Variants in LYST observed in about 807,000 individuals in gnomAD.
LYST encodes lysosomal-trafficking regulator.
A neutral mutation model predicts 413.6 loss-of-function variants in LYST; 192 were observed. That is an observed-to-expected ratio of 0.46 (90% CI 0.41 to 0.52). The LOEUF is 0.52. Ranked by LOEUF, LYST falls within the 20% of genes least tolerant of loss-of-function variation. LYST has a pLI of 0.00. For synonymous variants in LYST, 1,525 were observed against 1,567.3 expected, an observed-to-expected ratio of 0.97 and a Z score of 0.64; for missense variants, 3,815 against 4,499.9, an observed-to-expected ratio of 0.85 and a Z score of 4.35.
rs143697353 is a variant in LYST at position 235,773,255 on chromosome 1, T to C, written c.5784+587A>G. On this transcript the variant is annotated intron_variant, in intron 19 of 52. Transcript: ENST00000389793. Reference sequence around the variant, plus strand: ...TATCATCTGAGCCTGGGGGTGGAGGTTGCAGTGAGCCAAGATCACGCCACT... The same window carrying C: ...TATCATCTGAGCCTGGGGGTGGAGGCTGCAGTGAGCCAAGATCACGCCACT... 2.3e-3 allele frequency among the ~76,000 whole-genome samples: 356 copies of C among 151,710 alleles called. 1 individual carries two copies. The highest frequency in any genetic ancestry group is 7.9e-3 in the African/African-American group (328 of 41,376).
At chr1:235,831,800 C>T (rs74148837) in intron 2 of LYST, among the ~76,000 whole-genome samples, 9,434 of 152,110 alleles carry the variant, frequency 0.062, 974 homozygotes, top group African/African-American at 0.22. Context: ...TCTTTATATG[C>T]TTTCAGAAAG....
At position 235,777,085 on chromosome 1, in the gene LYST, A is replaced by G; in HGVS notation, c.5438T>C (p.Ile1813Thr). The change falls in exon 17 of 53, where the codon ATA becomes ACA. Residue 1813 changes from isoleucine to threonine, a missense_variant. This residue lies in a region of LYST where 530 missense variants were observed against 696.5 expected (regional missense o/e 0.76). Coordinates refer to ENST00000389793, the MANE Select transcript of LYST (RefSeq NM_000081.4). Reference protein sequence around the residue: ...GILHEIGGTGIFVFLFARVVE... With the variant: ...GILHEIGGTGTFVFLFARVVE... ...TACCCTGGCAAAGAGAAAAACAAAT[A>G]TGCCAGTTCCACCAATTTCGTGCAG... 6.2e-7 allele frequency: 1 copy of G among 1,613,446 alleles called. No individual in the cohort carries two copies. The highest frequency in any genetic ancestry group is 8.5e-7 in the Non-Finnish European group (1 of 1,179,538).
intron 20 of LYST, among the ~76,000 whole-genome samples, chr1:235,767,628 T>A (rs1303757625): frequency 1.3e-5 from 2 of 151,446 alleles, no homozygotes; most frequent in African/African-American, 4.9e-5. Context: ...GTCACTGGTA[T>A]TCTATTTTAT....
Position 235,781,944 on chromosome 1 carries a change from T to C in LYST, c.5006A>G (p.Asn1669Ser), listed in dbSNP as rs373521868. Residue 1669 changes from asparagine to serine, a missense_variant, in exon 15 of 53, where the codon AAT becomes AGT. Around this residue, in one of 4 missense-constraint regions of LYST, gnomAD observed 530 missense variants for 696.5 expected, o/e 0.76. Transcript: ENST00000389793. ...LQLAGKWDLG[N>S]LLLFNGAKVG... Reference sequence around the variant, plus strand: ...TCACTCACCGTTGAAGAGAAGCAAATTTCCCAGGTCCCATTTTCCAGCCAA... The same window carrying C: ...TCACTCACCGTTGAAGAGAAGCAAACTTCCCAGGTCCCATTTTCCAGCCAA... 2.5e-6 allele frequency: 4 copies of C among 1,612,770 alleles called. No homozygotes were observed. Among genetic ancestry groups the C allele is most frequent in the Non-Finnish European group, 3.4e-6 (4 of 1,178,998 alleles).
At chr1:235,860,470 C>G (rs1679737274) in intron 1 of LYST, among the ~76,000 whole-genome samples, 1 of 152,188 alleles carries the variant, frequency 6.6e-6, no homozygotes. Context: ...AATAGTTTCA[C>G]CGCCCTAAAA....
intron 48 of LYST, among the ~76,000 whole-genome samples, chr1:235,679,202 T>C (rs1045009731): frequency 5.3e-5 from 8 of 152,176 alleles, no homozygotes; most frequent in Non-Finnish European, 1.2e-4. Context: ...GCAAGAGTAG[T>C]AAGCCTGGAT....
intron 48 of LYST, among the ~76,000 whole-genome samples, chr1:235,679,982 A>T (rs1659681322): frequency 6.7e-6 from 1 of 149,412 alleles, no homozygotes; most frequent in African/African-American, 2.4e-5. Flanking sequence ...AATGCTTTTA[A>T]GGCTCTCTCT....
chr1:235,686,950 G>A lies in LYST; in HGVS notation c.10799C>T (p.Thr3600Met), dbSNP rs368562685. The A allele has an allele frequency of 8.5e-5, 137 of 1,613,086 alleles. No individual in the cohort carries two copies. Among genetic ancestry groups the A allele is most frequent in the Middle Eastern group, 1.6e-4 (1 of 6,080 alleles). The change falls in exon 48 of 53, where the codon ACG becomes ATG. Residue 3600 changes from threonine to methionine, a missense_variant and splice_region_variant. Physicochemically the swap from Thr to Met is moderately conservative, Grantham distance 81. This residue lies in a region of LYST where 866 missense variants were observed against 1,156.0 expected (regional missense o/e 0.75). Coordinates refer to ENST00000389793, the MANE Select transcript of LYST (RefSeq NM_000081.4). This position sits in a 1 kb window ranked among gnomAD's most constrained non-coding sequence, Gnocchi z 4.0. ...TAYTNRFTSS[T>M]PSEIEMETQI... The stretch of plus-strand genomic sequence containing the variant: ...CCCACACAGAAGCCCAGAACCTACC[G>A]TGCTGCTTGTAAATCTGTTTGTGTA...
chr1:235,685,157 A>G (rs1571991399), intron 48 of LYST, among the ~76,000 whole-genome samples: 1 of 152,024 alleles, frequency 6.6e-6, no homozygotes, highest in East Asian at 1.9e-4. Context: ...CAGTAGATTG[A>G]TCCCTTAGGA....
At chr1:235,707,726 A>T (rs1370964637) in intron 44 of LYST, among the ~76,000 whole-genome samples, 1 of 152,240 alleles carries the variant, frequency 6.6e-6, no homozygotes, top group Non-Finnish European at 1.5e-5. Flanking sequence ...AGAAATATTA[A>T]TTTTAATAGC....
rs1456870030 is a variant in LYST at position 235,850,257 on chromosome 1, CA to C, written c.-98+16585del. ...GCCAACTGATCTTTGACAAAGCAAA[CA>C]AAAACATAAAGTGGGGAAAGGACAT... On this transcript the variant is annotated intron_variant, in intron 1 of 52. Transcript: ENST00000389793. Among the ~76,000 whole-genome samples, 3 of 152,028 alleles carry C rather than the reference CA, an allele frequency of 2.0e-5. No homozygotes were observed. The East Asian group carries it at 5.8e-4, about 29-fold the overall frequency.
intron 12 of LYST, among the ~76,000 whole-genome samples, chr1:235,789,916 A>G (rs1670818688): frequency 6.6e-6 from 1 of 152,184 alleles, no homozygotes; most frequent in Admixed American, 6.5e-5. Context: ...ACCATCTTAT[A>G]AGGTAAATAT....
chr1:235,712,694 C>CG (rs984827254), intron 42 of LYST: 339 of 984,058 alleles, frequency 3.4e-4, no homozygotes, highest in Middle Eastern at 1.6e-3. Flanking sequence ...TCTTTTTTTT[C>CG]GGGGGGGTGC....
chr1:235,676,964 A>C, intron 50 of LYST, 127 bp downstream of exon 50: 1 of 742,904 alleles, frequency 1.3e-6, no homozygotes, highest in Non-Finnish European at 2.5e-6. Flanking sequence ...ATACACATAC[A>C]TGCTGTTACC....
rs749347721 is a variant in LYST, at chr1:235,744,137, CAAT to C, written c.7990_7992del (p.Ile2664del). 3 of 1,586,004 alleles carry C rather than the reference CAAT, an allele frequency of 1.9e-6. No individual in the cohort carries two copies. The highest frequency in any genetic ancestry group is 2.6e-6 in the Non-Finnish European group (3 of 1,155,240). On this transcript the variant is annotated inframe_deletion, in exon 30 of 53. Coordinates refer to ENST00000389793, the MANE Select transcript of LYST (RefSeq NM_000081.4). The stretch of plus-strand genomic sequence containing the variant: ...ACATTTTCTGGAGTTCTCAAAATGT[CAAT>C]AATGTCTGAATTAAATTCTTTGAAT...
intron 19 of LYST, among the ~76,000 whole-genome samples, chr1:235,773,379 T>A (rs1320233666): frequency 2.6e-5 from 4 of 151,758 alleles, no homozygotes; most frequent in Admixed American, 6.6e-5. Context: ...CTATTCACGG[T>A]AGCTAAAATG....
intron 10 of LYST, among the ~76,000 whole-genome samples, chr1:235,795,821 T>A (rs1001925766): frequency 1.2e-4 from 18 of 151,512 alleles, no homozygotes; most frequent in Non-Finnish European, 2.2e-4. Flanking sequence ...AAATAATATT[T>A]AAAAAACAAA....
intron 16 of LYST, among the ~76,000 whole-genome samples, chr1:235,777,929 A>T (rs2103460204): frequency 6.6e-6 from 1 of 151,796 alleles, no homozygotes; most frequent in South Asian, 2.1e-4. Context: ...TACAGAATGC[A>T]TGTTTTTCTT....
At chr1:235,671,708 T>C (rs1658954187) in intron 50 of LYST, among the ~76,000 whole-genome samples, 1 of 152,072 alleles carries the variant, frequency 6.6e-6, no homozygotes, top group South Asian at 2.1e-4. Context: ...AGTGAGGTTA[T>C]AGCATAGTGA....
Sources: allele counts gnomAD v4.1 joint callset (sites outside exome capture counted in the v4.1 genomes callset), GRCh38; gene constraint gnomAD v4.1.1; regional missense constraint gnomAD v4.1.1; non-coding constraint Gnocchi (gnomAD v3.1); transcripts MANE v1.5; gene names NCBI Gene and HGNC (gene_info 2026-07-23, HGNC 2026-07-21).